The following GFI1B variants were observed in gnomAD, a reference collection of about 807,000 sequenced individuals.
GFI1B encodes zinc finger protein Gfi-1b.
GFI1B carries 20 observed loss-of-function variants against 35.3 expected under a neutral mutation model. That is an observed-to-expected ratio of 0.57 (90% CI 0.40 to 0.82). GFI1B has a LOEUF of 0.82. GFI1B is among the 40% of genes least tolerant of loss of function. The pLI is 0.00. For synonymous variants in GFI1B, 178 were observed against 177.6 expected (o/e 1.00, Z -0.02); for missense variants, 430 against 446.3 (o/e 0.96, Z 0.33).
At chr9:132,983,094 C>T (rs1163461412) in intron 1 of GFI1B, among the ~76,000 whole-genome samples, 1 of 151,992 alleles carries the variant, frequency 6.6e-6, no homozygotes, top group Non-Finnish European at 1.5e-5. Flanking sequence ...GAAGTCTGTC[C>T]CTGGCCTGGC....
chr9:132,986,769 C>T lies in GFI1B; in HGVS notation c.91C>T (p.Leu31Phe), dbSNP rs778609270. The T allele has an allele frequency of 2.1e-5, 34 of 1,608,588 alleles. No individual in the cohort carries two copies. The highest frequency in any genetic ancestry group is 2.9e-5 in the Non-Finnish European group (34 of 1,176,652). The change falls in exon 2 of 7, where the codon CTT becomes TTT. Residue 31 changes from leucine (L) to phenylalanine (F), a missense_variant. Leu to Phe is a conservative substitution (Grantham distance 22). Transcript: ENST00000372122. ...AGATGAACCGCTCTGGCCTCCTGCC[C>T]TTACCCCGGGTGAGTCAGAGCCCGG... ...QEDEPLWPPA[L>F]TPVPRDQAPS...
In GFI1B at chr9:132,978,752, GA is replaced by G. The variant is rs2132619872; in HGVS notation, c.-109del. The G allele has an allele frequency of 6.6e-6, 1 of 152,412 alleles. No homozygotes were observed. Among genetic ancestry groups the G allele is most frequent in the East Asian group, 1.9e-4 (1 of 5,194 alleles). The allele number at this position is 152,412 out of a possible 1,614,324, so 9.4% of individuals were successfully genotyped here. A position where few individuals can be genotyped will look rare whatever the true frequency, so the allele number is the denominator to read the frequency against. On this transcript the variant is annotated 5_prime_UTR_variant, in exon 1 of 7. Coordinates refer to ENST00000372122, the MANE Select transcript of GFI1B (RefSeq NM_001377304.1). ...TATTTGTGCAAAGAGTCACACAGTTGACAGAGTGGAGGCCAGTCCCGAGAGA... is the reference window on the plus strand; with the variant it reads ...TATTTGTGCAAAGAGTCACACAGTTGCAGAGTGGAGGCCAGTCCCGAGAGA...
In GFI1B at chr9:132,967,386, C is replaced by G. The variant is rs1588416057; in HGVS notation, c.-700-5339C>G. On this transcript the variant is annotated intron_variant, in intron 1 of 10. Transcript: ENST00000339463. ...CAATGAGAAAATCCCAAATGCTGAA[C>G]CTTCTACTGGACTGGCCTGGGCTCT... Among the ~76,000 whole-genome samples the G allele has an allele frequency of 2.0e-5, 3 of 152,162 alleles. No individual in the cohort carries two copies. In the East Asian group the frequency reaches 5.8e-4, roughly 29 times the overall value.
At chr9:132,985,248 C>T (rs1849001117) in intron 1 of GFI1B, among the ~76,000 whole-genome samples, 3 of 152,182 alleles carry the variant, frequency 2.0e-5, no homozygotes, top group South Asian at 4.1e-4. Context: ...GCTCTCAGCT[C>T]CAGAGGGCTC....
In GFI1B at chr9:132,986,754, C is replaced by T; in HGVS notation, c.76C>T (p.Leu26Phe). ...HQPRVQEDEPLWPPALTPVPR... is the reference protein window; with the variant it reads ...HQPRVQEDEPFWPPALTPVPR... ...GCCCCGTGTGCAGGAAGATGAACCG[C>T]TCTGGCCTCCTGCCCTTACCCCGGG... The change falls in exon 2 of 7, where the codon CTC (leucine) becomes TTC (phenylalanine). Residue 26 changes from leucine to phenylalanine, a missense_variant. By Grantham distance (22) the Leu-to-Phe change is conservative. Transcript: ENST00000372122. 2 of 1,611,762 alleles carry T rather than the reference C, an allele frequency of 1.2e-6. No individual in the cohort carries two copies. The highest frequency in any genetic ancestry group is 1.7e-6 in the Non-Finnish European group (2 of 1,178,700).
intron 1 of GFI1B, among the ~76,000 whole-genome samples, chr9:132,959,877 G>A (rs1227763041): frequency 1.3e-5 from 2 of 152,124 alleles, no homozygotes; most frequent in African/African-American, 4.8e-5. Context: ...TGAGACCCCA[G>A]GCATTGTATT....
intron 1 of GFI1B, among the ~76,000 whole-genome samples, chr9:132,964,801 G>A (rs371266639): frequency 5.1e-5 from 7 of 136,334 alleles, no homozygotes; most frequent in African/African-American, 1.1e-4. Flanking sequence ...GTGCAGTGGC[G>A]TGATCTCGGC....
At chr9:132,984,983 C>T (rs545987325) in intron 1 of GFI1B, among the ~76,000 whole-genome samples, 420 of 151,444 alleles carry the variant, frequency 2.8e-3, no homozygotes, top group African/African-American at 9.7e-3. Context: ...CAGGCCCTCA[C>T]TGCTGTTCTG....
chr9:132,976,034 TG>T (rs1414160147), upstream of GFI1B, among the ~76,000 whole-genome samples: 2 of 152,194 alleles, frequency 1.3e-5, no homozygotes, highest in Non-Finnish European at 2.9e-5. Context: ...GTCCCTGGTC[TG>T]GGTCTGGGAA....
chr9:132,973,043 C>T (rs1209761252), intron 2 of GFI1B, among the ~76,000 whole-genome samples: 1 of 152,240 alleles, frequency 6.6e-6, no homozygotes, highest in Non-Finnish European at 1.5e-5. Flanking sequence ...TTTTCTGGCA[C>T]CAAGATGTAC....
In GFI1B at chr9:132,980,477, A is replaced by C. The variant is rs78615817; in HGVS notation, c.-21+1636A>C. 9.5e-3 allele frequency among the ~76,000 whole-genome samples: 1,454 copies of C among 152,350 alleles called. 13 individuals carry two copies. The highest frequency in any genetic ancestry group is 0.029 in the South Asian group (139 of 4,826). On this transcript the variant is annotated intron_variant, in intron 1 of 6. Coordinates refer to ENST00000372122, the MANE Select transcript of GFI1B (RefSeq NM_001377304.1). Reference sequence around the variant, plus strand: ...AGTCTATAATATAGAGATATGCAGAAAGAGTTTCATTCACTCACTTGTCTT... The same window carrying C: ...AGTCTATAATATAGAGATATGCAGACAGAGTTTCATTCACTCACTTGTCTT...
intron 1 of GFI1B, among the ~76,000 whole-genome samples, chr9:132,969,238 C>A (rs1260158270): frequency 6.6e-6 from 1 of 152,150 alleles, no homozygotes; most frequent in African/African-American, 2.4e-5. Flanking sequence ...GCCATGTTGG[C>A]CAGGCAGGTC....
upstream of GFI1B, among the ~76,000 whole-genome samples, chr9:132,976,029 T>C (rs975699393): frequency 2.6e-5 from 4 of 152,134 alleles, no homozygotes; most frequent in Non-Finnish European, 5.9e-5. Context: ...GCTGGGTCCC[T>C]GGTCTGGGTC....
chr9:132,948,045 C>T (rs535463934), intron 1 of GFI1B, among the ~76,000 whole-genome samples: 2 of 152,114 alleles, frequency 1.3e-5, no homozygotes, highest in Admixed American at 6.5e-5. Flanking sequence ...AGCTAGGTTA[C>T]GGTTCGTCCA....
intron 4 of GFI1B, 91 bp downstream of exon 4, chr9:132,988,559 G>A: frequency 8.5e-7 from 1 of 1,179,964 alleles, no homozygotes; most frequent in Non-Finnish European, 1.2e-6. Flanking sequence ...TCTGTGCTGT[G>A]AATGTTGGGG....
intron 1 of GFI1B, chr9:132,972,679 A>C (rs1204622477): frequency 6.6e-6 from 1 of 152,230 alleles, no homozygotes; most frequent in Non-Finnish European, 1.5e-5. Flanking sequence ...CTTGTAATTC[A>C]AACAGCATGT....
intron 1 of GFI1B, among the ~76,000 whole-genome samples, chr9:132,956,169 A>G (rs558323244): frequency 3.9e-5 from 6 of 152,320 alleles, no homozygotes; most frequent in African/African-American, 1.4e-4. Flanking sequence ...TATACTGAGT[A>G]CCTAGGAAAG....
intron 1 of GFI1B, among the ~76,000 whole-genome samples, chr9:132,983,416 C>T (rs898839248): frequency 2.0e-5 from 3 of 151,968 alleles, no homozygotes; most frequent in Non-Finnish European, 2.9e-5. Context: ...AGGCTGGTCT[C>T]GAACTCCTGA....
At chr9:132,981,196 C>T (rs1372906923) in intron 1 of GFI1B, among the ~76,000 whole-genome samples, 72 of 152,320 alleles carry the variant, frequency 4.7e-4, no homozygotes, top group Non-Finnish European at 1.5e-5. Flanking sequence ...TAAGTCTGGC[C>T]ATAGACCACA....
Sources: gnomAD v4.1 joint callset for allele counts (sites outside exome capture counted in the v4.1 genomes callset) on GRCh38, gnomAD v4.1.1 for gene constraint, MANE v1.5 for transcripts, NCBI Gene and HGNC (gene_info 2026-07-23, HGNC 2026-07-21) for gene names.